CERT1: variants seen among roughly 807,000 people sequenced by gnomAD.
The protein encoded by CERT1 is ceramide transporter 1, also known as ceramide transfer protein.
In CERT1, 31 loss-of-function variants were observed where a neutral mutation model predicts 87.9. The observed-to-expected ratio is 0.35, with a 90% CI of 0.27 to 0.48. The LOEUF is 0.48. Ranked by LOEUF, CERT1 falls within the 20% of genes least tolerant of loss-of-function variation. CERT1 has a pLI of 0.99. For missense variants in CERT1, 487 were observed against 758.0 expected, an observed-to-expected ratio of 0.64 and a Z score of 4.20; for synonymous variants, 289 against 250.9, an observed-to-expected ratio of 1.15 and a Z score of -1.44.
intron 3 of CERT1, among the ~76,000 whole-genome samples, chr5:75,457,833 T>C (rs1484520750): frequency 6.6e-6 from 1 of 151,116 alleles, no homozygotes; most frequent in Non-Finnish European, 1.5e-5. Context: ...CACAATCGCA[T>C]ACTTCTTTAT....
At chr5:75,429,005 A>C (rs895620646) in intron 3 of CERT1, among the ~76,000 whole-genome samples, 2 of 151,862 alleles carry the variant, frequency 1.3e-5, no homozygotes, top group Non-Finnish European at 2.9e-5. Flanking sequence ...ACTAAGTGAC[A>C]GAAATTCAAT....
intron 2 of CERT1, among the ~76,000 whole-genome samples, chr5:75,481,212 G>A (rs1561293434): frequency 1.3e-5 from 2 of 152,242 alleles, no homozygotes; most frequent in South Asian, 2.1e-4. Flanking sequence ...TACAACTGCT[G>A]TTCCTTCTCA....
chr5:75,511,054 G>A (rs556818033), intron 1 of CERT1, 58 bp downstream of exon 1: 2 of 1,469,520 alleles, frequency 1.4e-6, no homozygotes, highest in South Asian at 2.8e-5. Flanking sequence ...CGCCTCAGCG[G>A]ATTGCCTCGC....
intron 1 of CERT1, among the ~76,000 whole-genome samples, chr5:75,510,626 C>A (rs1410894722): frequency 7.2e-5 from 11 of 152,148 alleles, no homozygotes; most frequent in Non-Finnish European, 2.9e-5. Flanking sequence ...TCTAACCTAG[C>A]AGAATTCAAC....
intron 3 of CERT1, 116 bp from the exon 4 acceptor site, chr5:75,426,594 A>G: frequency 4.4e-6 from 3 of 685,552 alleles, no homozygotes; most frequent in South Asian, 3.7e-5. Flanking sequence ...GGGTGCACAT[A>G]AGATATATAG....
At chr5:75,472,508 T>A (rs944876039) in intron 2 of CERT1, among the ~76,000 whole-genome samples, 6 of 152,118 alleles carry the variant, frequency 3.9e-5, no homozygotes, top group Non-Finnish European at 8.8e-5. Context: ...GGAGAAAATA[T>A]CTGCAAACTA....
At chr5:75,469,389 G>A (rs1457126499) in intron 2 of CERT1, among the ~76,000 whole-genome samples, 2 of 152,044 alleles carry the variant, frequency 1.3e-5, no homozygotes, top group Non-Finnish European at 2.9e-5. Flanking sequence ...CAGGTAGAAA[G>A]GTTATTCAAA....
chr5:75,493,802 C>A (rs1766923983), intron 2 of CERT1, among the ~76,000 whole-genome samples: 1 of 152,026 alleles, frequency 6.6e-6, no homozygotes, highest in Non-Finnish European at 1.5e-5. Flanking sequence ...GTTAGAACTC[C>A]TGGATTATTT....
rs1761411239 is a variant in CERT1, at chr5:75,378,378, C to A, written c.*968G>T. On this transcript the variant is annotated 3_prime_UTR_variant, in exon 17 of 17. Coordinates refer to ENST00000643780, the MANE Select transcript of CERT1 (RefSeq NM_001379029.1). ...GAGGTTGCAGTGAGCCAAGATTGCACCACTGCACTCCAGCCTGGGCAGCAA... is the reference window on the plus strand; with the variant it reads ...GAGGTTGCAGTGAGCCAAGATTGCAACACTGCACTCCAGCCTGGGCAGCAA... 1 of 152,174 alleles carries A rather than the reference C, an allele frequency of 6.6e-6. No individual in the cohort carries two copies. The highest frequency in any genetic ancestry group is 1.5e-5 in the Non-Finnish European group (1 of 68,074). 9.4% of individuals were successfully genotyped at this position (152,174 alleles called of 1,614,324 possible).
chr5:75,413,510 G>A (rs1337005670), intron 7 of CERT1, among the ~76,000 whole-genome samples: 1 of 152,194 alleles, frequency 6.6e-6, no homozygotes, highest in African/African-American at 2.4e-5. Flanking sequence ...TCAGGAGGCT[G>A]AGGCAGGAGG....
chr5:75,390,678 A>G (rs994854334), intron 11 of CERT1, among the ~76,000 whole-genome samples: 1 of 152,142 alleles, frequency 6.6e-6, no homozygotes, highest in East Asian at 1.9e-4. Flanking sequence ...GCTGGAAGAT[A>G]TATATATTAT....
At position 75,489,997 on chromosome 5, in the gene CERT1, C is replaced by T. The variant is rs562684787; in HGVS notation, c.231+15985G>A. On this transcript the variant is annotated intron_variant, in intron 2 of 16. Coordinates refer to ENST00000643780, the MANE Select transcript of CERT1 (RefSeq NM_001379029.1). ...TAAAGAAAATGTGGCACATATACAC[C>T]ATGGAATACTATGCAGCCATAAAAA... is the stretch of plus-strand genomic sequence containing the variant. 6.2e-4 allele frequency among the ~76,000 whole-genome samples: 94 copies of T among 152,274 alleles called. 1 individual carries two copies. In the South Asian group the frequency reaches 8.5e-3, roughly 14 times the overall value.
chr5:75,504,864 T>C (rs1767580300), intron 2 of CERT1, among the ~76,000 whole-genome samples: 1 of 152,144 alleles, frequency 6.6e-6, no homozygotes, highest in Non-Finnish European at 1.5e-5. Context: ...GCTTAACAAG[T>C]CAGTTGGTTG....
chr5:75,443,862 C>A (rs546192919), intron 3 of CERT1, among the ~76,000 whole-genome samples: 271 of 152,322 alleles, frequency 1.8e-3, no homozygotes, highest in Middle Eastern at 3.4e-3. Flanking sequence ...AGTCTTCTTG[C>A]TGCAGTGAAC....
intron 2 of CERT1, among the ~76,000 whole-genome samples, chr5:75,467,650 G>GAAAAAAAAAAAAAAAA (rs58587061): frequency 7.5e-6 from 1 of 132,986 alleles, no homozygotes; most frequent in Non-Finnish European, 1.6e-5. Flanking sequence ...CCAAAAAAAA[G>GAAAAAAAAAAAAAAAA]AAAAAAAAAA....
At position 75,400,087 on chromosome 5, in the gene CERT1, G is replaced by A. The variant is rs564218837; in HGVS notation, c.1110+118C>T. The A allele has an allele frequency of 8.8e-5, 62 of 701,726 alleles. 1 individual carries two copies. The highest frequency in any genetic ancestry group is 6.1e-4 in the African/African-American group (34 of 55,490). 43.5% of individuals were successfully genotyped at this position (701,726 alleles called of 1,614,324 possible). On this transcript the variant is annotated intron_variant, in intron 10 of 16. Coordinates refer to ENST00000643780, the MANE Select transcript of CERT1 (RefSeq NM_001379029.1). ...GTGGAGACTGTAGTGAGCCGAGATC[G>A]CGCCACTGCACTCCACTCTGGTGAC... is the stretch of plus-strand genomic sequence containing the variant.
chr5:75,479,196 T>G (rs1766115375), intron 2 of CERT1, among the ~76,000 whole-genome samples: 1 of 152,200 alleles, frequency 6.6e-6, no homozygotes, highest in South Asian at 2.1e-4. Flanking sequence ...CTCACTACTT[T>G]GCAAACATTA....
chr5:75,373,527 T>C (rs1456216807), downstream of CERT1: 2 of 152,202 alleles, frequency 1.3e-5, no homozygotes, highest in African/African-American at 4.8e-5. Flanking sequence ...AGCTTTTCAC[T>C]TTCTCCATCA....
intron 8 of CERT1, among the ~76,000 whole-genome samples, chr5:75,408,494 A>G (rs1217850962): frequency 6.6e-6 from 1 of 152,158 alleles, no homozygotes; most frequent in East Asian, 1.9e-4. Flanking sequence ...TAGCAGCCCG[A>G]ACCTCAGTTT....
Sources: gnomAD v4.1 joint callset for allele counts (sites outside exome capture counted in the v4.1 genomes callset) on GRCh38, gnomAD v4.1.1 for gene constraint, MANE v1.5 for transcripts, NCBI Gene and HGNC (gene_info 2026-07-23, HGNC 2026-07-21) for gene names.